Variants in PTDSS1 observed in about 807,000 individuals in gnomAD.
PTDSS1 encodes PSS-1.
Under a neutral mutation model 70.5 loss-of-function variants are expected in PTDSS1, and 45 were observed. The ratio of observed to expected loss-of-function variants is 0.64; its 90% CI spans 0.50 to 0.82. PTDSS1 has a LOEUF of 0.82. Among genes scored for constraint, PTDSS1 ranks in the 40% least tolerant of loss-of-function variants. The pLI is 0.00. For synonymous variants in PTDSS1, 188 were observed against 203.8 expected (o/e 0.92, Z 0.66); for missense variants, 417 against 586.1 (o/e 0.71, Z 2.98).
At chr8:96,293,191 C>A (rs528309999) in intron 4 of PTDSS1, among the ~76,000 whole-genome samples, 1 of 152,350 alleles carries the variant, frequency 6.6e-6, no homozygotes, top group East Asian at 1.9e-4. Context: ...ATAGCATCAT[C>A]TATACTTTGT....
chr8:96,266,851 ATTTCCAGAGT>A (rs2129986875), intron 1 of PTDSS1, among the ~76,000 whole-genome samples: 1 of 152,144 alleles, frequency 6.6e-6, no homozygotes, highest in East Asian at 1.9e-4. Context: ...TCTTATACTG[ATTTCCAGAGT>A]TTTATGTCCA....
At chr8:96,328,784 T>A (rs1811473788) in intron 10 of PTDSS1, among the ~76,000 whole-genome samples, 1 of 152,216 alleles carries the variant, frequency 6.6e-6, no homozygotes, top group Non-Finnish European at 1.5e-5. Flanking sequence ...TGATGAGAAT[T>A]CACAGCCCCT....
chr8:96,327,010 A>C (rs1282558330), intron 10 of PTDSS1, among the ~76,000 whole-genome samples: 1 of 152,178 alleles, frequency 6.6e-6, no homozygotes, highest in African/African-American at 2.4e-5. Flanking sequence ...CACCAGTGCT[A>C]GCGACAGATT....
chr8:96,333,907 G>A lies in PTDSS1; in HGVS notation c.*341G>A, dbSNP rs1447651624. 6 of 595,056 alleles carry A rather than the reference G, an allele frequency of 1.0e-5. No individual in the cohort carries two copies. Among genetic ancestry groups the A allele is most frequent in the East Asian group, 2.8e-5 (1 of 35,984 alleles). The allele number at this position is 595,056 out of a possible 1,614,324, so 36.9% of individuals were successfully genotyped here. On this transcript the variant is annotated 3_prime_UTR_variant, in exon 13 of 13. Coordinates refer to ENST00000517309, the MANE Select transcript of PTDSS1 (RefSeq NM_014754.3). ...GCGCCTGCTGGATCGTGGATGCAGC[G>A]TAAACATCTTCCTTCAGACGAGGCA...
intron 1 of PTDSS1, among the ~76,000 whole-genome samples, chr8:96,273,044 G>A (rs1161071933): frequency 1.3e-5 from 2 of 152,136 alleles, no homozygotes; most frequent in Admixed American, 1.3e-4. Flanking sequence ...GGTAAAGTGT[G>A]TCTGATTATA....
intron 3 of PTDSS1, 96 bp from the exon 4 acceptor site, chr8:96,286,926 G>A (rs769022014): frequency 6.8e-7 from 1 of 1,467,418 alleles, no homozygotes; most frequent in African/African-American, 1.4e-5. Flanking sequence ...CAATCTTAGT[G>A]TCTGGTTTTG....
chr8:96,279,596 A>G (rs1413371452), intron 2 of PTDSS1, among the ~76,000 whole-genome samples: 1 of 151,856 alleles, frequency 6.6e-6, no homozygotes, highest in East Asian at 1.9e-4. Context: ...AGGTGGGTGG[A>G]TCACTTGAGG....
At chr8:96,283,107 G>A (rs990696318) in intron 2 of PTDSS1, among the ~76,000 whole-genome samples, 1 of 152,214 alleles carries the variant, frequency 6.6e-6, no homozygotes, top group Non-Finnish European at 1.5e-5. Context: ...GCCAGGGCTA[G>A]AGAAACAGAG....
intron 9 of PTDSS1, among the ~76,000 whole-genome samples, chr8:96,319,034 C>T (rs920583610): frequency 5.2e-4 from 79 of 150,708 alleles, no homozygotes; most frequent in Admixed American, 5.2e-3. Flanking sequence ...CTGCCTCAGC[C>T]TCCCGAGTAG....
chr8:96,277,140 G>C (rs1230957691), intron 2 of PTDSS1, among the ~76,000 whole-genome samples: 2 of 152,196 alleles, frequency 1.3e-5, no homozygotes, highest in African/African-American at 4.8e-5. Context: ...AGCAAAGGGA[G>C]GACTTGGATT....
chr8:96,311,401 A>G (rs911160800), intron 9 of PTDSS1, among the ~76,000 whole-genome samples: 3 of 152,258 alleles, frequency 2.0e-5, no homozygotes, highest in Non-Finnish European at 2.9e-5. Flanking sequence ...CATTCTTCCA[A>G]TTAAAAAGTA....
intron 2 of PTDSS1, among the ~76,000 whole-genome samples, chr8:96,275,526 T>G (rs574161633): frequency 5.1e-4 from 78 of 152,286 alleles, no homozygotes; most frequent in Non-Finnish European, 8.5e-4. Flanking sequence ...GAATTTTACG[T>G]TAGAGGAGTG....
intron 10 of PTDSS1, among the ~76,000 whole-genome samples, chr8:96,322,359 C>T (rs188476214): frequency 9.7e-4 from 147 of 152,188 alleles, no homozygotes; most frequent in African/African-American, 3.3e-3. Context: ...AGTCCAAGAG[C>T]GTGGTACCAG....
chr8:96,300,866 G>A (rs147428248), intron 6 of PTDSS1, among the ~76,000 whole-genome samples: 361 of 152,112 alleles, frequency 2.4e-3, no homozygotes, highest in African/African-American at 5.0e-3. Context: ...AGTGTGCATC[G>A]CCTTTTTTTT....
At chr8:96,330,351 G>T in intron 11 of PTDSS1, 70 bp downstream of exon 11, 1 of 1,459,166 alleles carries the variant, frequency 6.9e-7, no homozygotes, top group East Asian at 2.3e-5. Context: ...TTCGCTCAGA[G>T]CACGTGCCTG....
chr8:96,281,035 C>A (rs6993725), intron 2 of PTDSS1, among the ~76,000 whole-genome samples: 11,226 of 152,196 alleles, frequency 0.074, 460 homozygotes, highest in African/African-American at 0.082. Context: ...GAATGCGGGG[C>A]TCCTCCTCAG....
In PTDSS1 at chr8:96,335,045, C is replaced by T. The variant is rs1218285458; in HGVS notation, c.*1479C>T. 5.9e-5 allele frequency: 9 copies of T among 152,040 alleles called. No homozygotes were observed. Among genetic ancestry groups the T allele is most frequent in the Non-Finnish European group, 1.5e-5 (1 of 68,036 alleles). The allele number at this position is 152,040 out of a possible 1,614,324, so 9.4% of individuals were successfully genotyped here. A position where few individuals can be genotyped will look rare whatever the true frequency, so the allele number is the denominator to read the frequency against. On this transcript the variant is annotated 3_prime_UTR_variant, in exon 13 of 13. Coordinates refer to ENST00000517309, the MANE Select transcript of PTDSS1 (RefSeq NM_014754.3). The stretch of plus-strand genomic sequence containing the variant: ...GGTCACATCCTGTCCTCAGGGGGCC[C>T]AGTGCTCAATAGTAGATTCTGCGGG...
intron 11 of PTDSS1, chr8:96,330,819 G>A (rs1811504953): frequency 7.2e-6 from 4 of 557,290 alleles, no homozygotes; most frequent in Admixed American, 3.3e-5. Flanking sequence ...CTTAAGGCAT[G>A]TTGTGGAAGA....
At position 96,328,291 on chromosome 8, in the gene PTDSS1, T is replaced by A. The variant is rs1203254440; in HGVS notation, c.1174-1922T>A. On this transcript the variant is annotated intron_variant, in intron 10 of 12. Transcript: ENST00000517309. ...CTGTGTGAAACCCAGAATGTTCTGT[T>A]TTGCTCTTTGTAAGGGGCCTAACGC... Among the ~76,000 whole-genome samples, 3 of 152,290 alleles carry A rather than the reference T, an allele frequency of 2.0e-5. 1 individual carries two copies. In the East Asian group the frequency reaches 5.8e-4, roughly 29 times the overall value.
Sources: allele counts gnomAD v4.1 joint callset (sites outside exome capture counted in the v4.1 genomes callset), GRCh38; gene constraint gnomAD v4.1.1; transcripts MANE v1.5; gene names NCBI Gene and HGNC (gene_info 2026-07-23, HGNC 2026-07-21).